The following EIF4E3 variants were observed in gnomAD, a reference collection of about 807,000 sequenced individuals.
EIF4E3 encodes eukaryotic translation initiation factor 4E family member 3.
EIF4E3 carries 26 observed loss-of-function variants against 31.7 expected under a neutral mutation model. That is an observed-to-expected ratio of 0.82 (90% CI 0.60 to 1.14). The LOEUF is 1.14. EIF4E3 is among the 50% of genes most tolerant of loss of function. The pLI is 0.00. For synonymous variants in EIF4E3, 128 were observed against 107.7 expected (o/e 1.19, Z -1.17); for missense variants, 304 against 270.9 (o/e 1.12, Z -0.86).
At chr3:71,732,507 G>A (rs115153300) in intron 1 of EIF4E3, among the ~76,000 whole-genome samples, 2,390 of 152,320 alleles carry the variant, frequency 0.016, 32 homozygotes, top group South Asian at 0.051. Context: ...CCACTGATTG[G>A]AGGAGTAATG....
the EIF4E3 span, among the ~76,000 whole-genome samples, chr3:71,669,486 T>G: frequency 1.3e-5 from 2 of 152,250 alleles, no homozygotes; most frequent in Non-Finnish European, 2.9e-5. Context: ...ATTGAATTTT[T>G]GAACTAAGTG....
intron 6 of EIF4E3, among the ~76,000 whole-genome samples, chr3:71,687,313 T>G (rs996022285): frequency 6.6e-6 from 1 of 152,238 alleles, no homozygotes; most frequent in Non-Finnish European, 1.5e-5. Context: ...CTGTATCAAT[T>G]ACTAACTCTG....
chr3:71,729,114 T>A (rs2049674760), upstream of EIF4E3: 1 of 152,206 alleles, frequency 6.6e-6, no homozygotes, highest in African/African-American at 2.4e-5. Flanking sequence ...GGTAATCCCA[T>A]CAGCCCAACT....
chr3:71,697,090 A>G (rs1009421027), intron 3 of EIF4E3, among the ~76,000 whole-genome samples: 1 of 151,992 alleles, frequency 6.6e-6, no homozygotes, highest in Non-Finnish European at 1.5e-5. Context: ...ATCGTAGCTC[A>G]CTGTAGCCTT....
At chr3:71,726,130 G>A (rs958683604), upstream of EIF4E3, among the ~76,000 whole-genome samples, 10 of 151,354 alleles carry the variant, frequency 6.6e-5, no homozygotes, top group African/African-American at 1.2e-4. Context: ...GATTTGAAGG[G>A]GCCAGAGCCC....
intron 3 of EIF4E3, among the ~76,000 whole-genome samples, chr3:71,698,963 G>T (rs1006500321): frequency 3.9e-5 from 6 of 152,204 alleles, no homozygotes; most frequent in Non-Finnish European, 8.8e-5. Flanking sequence ...GCTCATGCCT[G>T]TAATCCCAGC....
intron 4 of EIF4E3, 74 bp from the exon 5 acceptor site, chr3:71,694,015 A>C: frequency 7.1e-7 from 1 of 1,404,884 alleles, no homozygotes; most frequent in Non-Finnish European, 9.5e-7. Flanking sequence ...TCAGGAGCTA[A>C]ACAAATTATG....
chr3:71,675,385 C>G (rs2048867804), downstream of EIF4E3: 1 of 152,188 alleles, frequency 6.6e-6, no homozygotes, highest in African/African-American at 2.4e-5. Flanking sequence ...GCAGATTGGG[C>G]ACTCAATAAG....
chr3:71,730,740 G>T (rs1239284629), intron 1 of EIF4E3, among the ~76,000 whole-genome samples: 3 of 149,264 alleles, frequency 2.0e-5, no homozygotes, highest in African/African-American at 5.1e-5. Flanking sequence ...TATTGTTGTT[G>T]TTTTTTTTGA....
intron 1 of EIF4E3, among the ~76,000 whole-genome samples, chr3:71,722,297 G>A (rs1488480702): frequency 6.6e-6 from 1 of 152,226 alleles, no homozygotes; most frequent in African/African-American, 2.4e-5. Flanking sequence ...AAAGGGGAAG[G>A]AGCACTGGAT....
At chr3:71,710,348 A>T in intron 2 of EIF4E3, 64 bp downstream of exon 2, 1 of 1,513,784 alleles carries the variant, frequency 6.6e-7, no homozygotes, top group Non-Finnish European at 9.0e-7. Context: ...ACAGATTTCA[A>T]GTTGGGTGAT....
chr3:71,752,561 C>A (rs1992872), intron 1 of EIF4E3, among the ~76,000 whole-genome samples: 145,580 of 151,868 alleles, frequency 0.96, 70,072 homozygotes, highest in South Asian at 1. Context: ...GAAGAAAAAA[C>A]AAATGAGTGT....
intron 1 of EIF4E3, among the ~76,000 whole-genome samples, chr3:71,718,644 T>C (rs751801751): frequency 3.9e-5 from 6 of 152,246 alleles, no homozygotes; most frequent in Non-Finnish European, 7.3e-5. Flanking sequence ...GAAGTAAGTT[T>C]AAATGGTCTC....
At chr3:71,670,279 G>A in the EIF4E3 span, among the ~76,000 whole-genome samples, 68 of 152,252 alleles carry the variant, frequency 4.5e-4, 1 homozygote, top group East Asian at 7.0e-3. Context: ...ATGGGGAGGA[G>A]ACAGCTTTTG....
downstream of EIF4E3, among the ~76,000 whole-genome samples, chr3:71,670,981 C>T (rs975373891): frequency 6.6e-6 from 1 of 151,874 alleles, no homozygotes; most frequent in African/African-American, 2.4e-5. Context: ...ATCCCCCAAG[C>T]GCGGAGAATG....
intron 1 of EIF4E3, among the ~76,000 whole-genome samples, chr3:71,719,298 G>A (rs890394698): frequency 5.9e-5 from 9 of 152,172 alleles, no homozygotes; most frequent in African/African-American, 2.2e-4. Flanking sequence ...TCAATACCTA[G>A]AGCAGTAACT....
chr3:71,688,986 C>T (rs1004683780), intron 6 of EIF4E3, among the ~76,000 whole-genome samples: 2 of 152,108 alleles, frequency 1.3e-5, no homozygotes, highest in African/African-American at 2.4e-5. Flanking sequence ...ACTCACAAAA[C>T]AAAATTTGAT....
At chr3:71,754,542 G>C, upstream of EIF4E3, 1 of 1,347,670 alleles carries the variant, frequency 7.4e-7, no homozygotes, top group Non-Finnish European at 9.5e-7. This position sits in a 1 kb window ranked among gnomAD's most constrained non-coding sequence, Gnocchi z 5.8. Flanking sequence ...CGGCGGTGGC[G>C]ACGACGAGGA....
At chr3:71,712,018 C>A (rs1296745076) in intron 1 of EIF4E3, among the ~76,000 whole-genome samples, 1 of 152,108 alleles carries the variant, frequency 6.6e-6, no homozygotes, top group Non-Finnish European at 1.5e-5. Context: ...ATACCGCTTC[C>A]TTATCAGAAG....
Sources: gnomAD v4.1 joint callset for allele counts (sites outside exome capture counted in the v4.1 genomes callset) on GRCh38, gnomAD v4.1.1 for gene constraint, Gnocchi (gnomAD v3.1) non-coding constraint, MANE v1.5 for transcripts, NCBI Gene and HGNC (gene_info 2026-07-23, HGNC 2026-07-21) for gene names.